Variants in RANBP17 observed in about 807,000 individuals in gnomAD.
The protein encoded by RANBP17 is RAN binding protein 17, also known as ran-binding protein 17.
A neutral mutation model predicts 141.2 loss-of-function variants in RANBP17; 158 were observed. The ratio of observed to expected loss-of-function variants is 1.12; its 90% CI spans 0.98 to 1.28. The LOEUF (loss-of-function observed/expected upper bound fraction) is 1.28. RANBP17 is among the 50% of genes most tolerant of loss of function. The probability of loss-of-function intolerance (pLI) is 0.00; values close to 1 mark genes in which losing one functional copy is unlikely to be tolerated. For synonymous variants in RANBP17, 430 were observed against 450.0 expected (o/e 0.96, Z 0.56); for missense variants, 1,438 against 1,290.7 (o/e 1.11, Z -1.75).
In RANBP17 at chr5:171,204,768, C is replaced by A. The variant is rs118038613; in HGVS notation, c.2143-756C>A. ...TGTTTTTTTTCTCTAAAACTAAATACTTATGGAACATTTACTGTGTATCAA... is the reference window on the plus strand; with the variant it reads ...TGTTTTTTTTCTCTAAAACTAAATAATTATGGAACATTTACTGTGTATCAA... On this transcript the variant is annotated intron_variant, in intron 19 of 27. Transcript: ENST00000523189. Among the ~76,000 whole-genome samples, 68 of 152,152 alleles carry A rather than the reference C, an allele frequency of 4.5e-4. No homozygotes were observed. The East Asian group carries it at 0.011, about 24-fold the overall frequency.
At chr5:171,047,014 C>CTTTTTTTTTTT in intron 14 of RANBP17, among the ~76,000 whole-genome samples, 1 of 97,762 alleles carries the variant, frequency 1.0e-5, no homozygotes, top group Non-Finnish European at 1.9e-5. Context: ...TTTATTTTGC[C>CTTTTTTTTTTT]TTTTTTTTTT....
chr5:171,038,654 A>G (rs564050111), intron 14 of RANBP17, among the ~76,000 whole-genome samples: 1 of 152,204 alleles, frequency 6.6e-6, no homozygotes, highest in South Asian at 2.1e-4. Flanking sequence ...TTTTTATCAT[A>G]ATGGTAAGTT....
chr5:171,134,825 G>A (rs1377479135), intron 14 of RANBP17, among the ~76,000 whole-genome samples: 1 of 152,112 alleles, frequency 6.6e-6, no homozygotes, highest in Non-Finnish European at 1.5e-5. Context: ...GGGAGGCTGA[G>A]GCTGGAGAAC....
intron 12 of RANBP17, among the ~76,000 whole-genome samples, chr5:170,942,130 A>G (rs1414725797): frequency 6.6e-6 from 1 of 151,996 alleles, no homozygotes; most frequent in East Asian, 1.9e-4. Context: ...TAAGTTGCAC[A>G]CTCCTTTTGA....
At chr5:171,017,860 T>A (rs192189710) in intron 14 of RANBP17, among the ~76,000 whole-genome samples, 1 of 152,316 alleles carries the variant, frequency 6.6e-6, no homozygotes, top group Admixed American at 6.5e-5. Flanking sequence ...TTGGTTAGGT[T>A]TTCTTCTAGG....
At chr5:171,125,782 A>G (rs916551878) in intron 14 of RANBP17, among the ~76,000 whole-genome samples, 2 of 151,972 alleles carry the variant, frequency 1.3e-5, no homozygotes, top group Non-Finnish European at 2.9e-5. Context: ...CACAAAAACA[A>G]TCTCAGTAAA....
chr5:171,092,405 G>A (rs928029874), intron 14 of RANBP17, among the ~76,000 whole-genome samples: 26 of 152,122 alleles, frequency 1.7e-4, no homozygotes, highest in Non-Finnish European at 3.2e-4. Flanking sequence ...TGTGAGTGAC[G>A]CTCTGTGTTA....
chr5:171,031,588 A>G (rs1781551078), intron 14 of RANBP17, among the ~76,000 whole-genome samples: 1 of 152,044 alleles, frequency 6.6e-6, no homozygotes. Flanking sequence ...ATAAACATTA[A>G]CATTGAAATC....
chr5:171,026,626 A>T (rs906834235), intron 14 of RANBP17, among the ~76,000 whole-genome samples: 1 of 152,216 alleles, frequency 6.6e-6, no homozygotes, highest in Non-Finnish European at 1.5e-5. Context: ...ATTACCAAAC[A>T]TCTGTGAAAT....
intron 14 of RANBP17, among the ~76,000 whole-genome samples, chr5:171,142,319 A>G (rs1344371500): frequency 6.6e-6 from 1 of 152,184 alleles, no homozygotes; most frequent in African/African-American, 2.4e-5. Context: ...ATATTTAAAC[A>G]GTAATTGAAG....
At chr5:171,166,426 G>GT (rs201095384) in intron 14 of RANBP17, among the ~76,000 whole-genome samples, 16,672 of 144,582 alleles carry the variant, frequency 0.12, 1,191 homozygotes, top group Non-Finnish European at 0.17. Context: ...CTGAAAGTGA[G>GT]TTTTTTTTTT....
chr5:171,234,069 T>TAC (rs1257164195), intron 22 of RANBP17, among the ~76,000 whole-genome samples: 1 of 150,276 alleles, frequency 6.7e-6, no homozygotes, highest in Admixed American at 6.6e-5. Context: ...AAAAAAAAAA[T>TAC]ACACACACAC....
chr5:170,912,853 A>G (rs1771644812), intron 7 of RANBP17, among the ~76,000 whole-genome samples: 1 of 151,950 alleles, frequency 6.6e-6, no homozygotes, highest in Non-Finnish European at 1.5e-5. Context: ...TTGGATTGAA[A>G]GATCCCACCA....
At chr5:171,124,528 C>G (rs760571316) in intron 14 of RANBP17, among the ~76,000 whole-genome samples, 3 of 152,092 alleles carry the variant, frequency 2.0e-5, no homozygotes, top group Non-Finnish European at 4.4e-5. Context: ...CAAAGATCCC[C>G]TAATATATTC....
intron 14 of RANBP17, among the ~76,000 whole-genome samples, chr5:171,032,461 A>G (rs1346322933): frequency 6.6e-6 from 1 of 152,160 alleles, no homozygotes; most frequent in African/African-American, 2.4e-5. Context: ...AACCAGTTCA[A>G]TGCAGTAATT....
intron 12 of RANBP17, among the ~76,000 whole-genome samples, chr5:170,948,297 T>C (rs184362678): frequency 3.8e-4 from 58 of 152,224 alleles, no homozygotes; most frequent in South Asian, 8.3e-4. Flanking sequence ...CTAGGATAGA[T>C]AATATGTGAA....
intron 12 of RANBP17, among the ~76,000 whole-genome samples, chr5:170,943,209 T>G (rs1176514266): frequency 1.3e-5 from 2 of 152,188 alleles, no homozygotes; most frequent in African/African-American, 4.8e-5. Flanking sequence ...TTTGCGTGTG[T>G]GAACACTTCA....
In RANBP17 at chr5:170,878,191, T is replaced by G; in HGVS notation, c.113T>G (p.Ile38Ser). Residue 38 changes from isoleucine to serine, a missense_variant, in exon 2 of 28, where the codon ATT (isoleucine) becomes AGT (serine). Physicochemically the swap from Ile to Ser is moderately radical, Grantham distance 142. Coordinates refer to ENST00000523189, the MANE Select transcript of RANBP17 (RefSeq NM_022897.5). ...IEAEKALLEL[I>S]DSPECLSKCQ... ...GCTGAGAAAGCACTCTTGGAACTTA[T>G]TGACAGTCCAGAATGTCTCAGCAAG... 6.2e-7 allele frequency: 1 copy of G among 1,613,220 alleles called. No individual in the cohort carries two copies. Among genetic ancestry groups the G allele is most frequent in the Non-Finnish European group, 8.5e-7 (1 of 1,179,538 alleles).
chr5:171,068,739 A>G (rs1256628858), intron 14 of RANBP17, among the ~76,000 whole-genome samples: 1 of 152,044 alleles, frequency 6.6e-6, no homozygotes. Context: ...GGCATACACC[A>G]CCACGCCCGG....
Sources: gnomAD v4.1 joint callset for allele counts (sites outside exome capture counted in the v4.1 genomes callset) on GRCh38, gnomAD v4.1.1 for gene constraint, MANE v1.5 for transcripts, NCBI Gene and HGNC (gene_info 2026-07-23, HGNC 2026-07-21) for gene names.